LRBA: variants seen among roughly 807,000 people sequenced by gnomAD.
LRBA encodes LPS responsive beige-like anchor protein.
Under a neutral mutation model 330.0 loss-of-function variants are expected in LRBA, and 176 were observed. That is an observed-to-expected ratio of 0.53 (90% CI 0.47 to 0.60). LRBA has a LOEUF of 0.60. Ranked by LOEUF, LRBA falls within the 20% of genes least tolerant of loss-of-function variation. The pLI, the probability that LRBA is intolerant of heterozygous loss-of-function variation, is 0.00. For missense variants in LRBA, 3,259 were observed against 3,444.8 expected (o/e 0.95, Z 1.35); for synonymous variants, 1,230 against 1,193.0 (o/e 1.03, Z -0.64).
At chr4:150,838,844 G>A (rs901874300) in intron 28 of LRBA, among the ~76,000 whole-genome samples, 4 of 152,050 alleles carry the variant, frequency 2.6e-5, no homozygotes, top group Admixed American at 6.6e-5. Context: ...AAGGAGTGGC[G>A]TTCCTTTGGA....
At chr4:150,669,251 A>G (rs969270543) in intron 37 of LRBA, among the ~76,000 whole-genome samples, 7 of 152,174 alleles carry the variant, frequency 4.6e-5, no homozygotes, top group African/African-American at 1.4e-4. Context: ...GTTCCTGTAT[A>G]CCCTTCACTC....
chr4:150,812,301 A>G (rs757029794), intron 31 of LRBA, among the ~76,000 whole-genome samples: 3 of 152,210 alleles, frequency 2.0e-5, no homozygotes, highest in Non-Finnish European at 4.4e-5. Context: ...TTATCCTAGC[A>G]CTGATAAACT....
At chr4:150,683,312 G>A (rs1783214214) in intron 37 of LRBA, among the ~76,000 whole-genome samples, 1 of 152,092 alleles carries the variant, frequency 6.6e-6, no homozygotes, top group South Asian at 2.1e-4. Context: ...TGAGGAAACT[G>A]ATCTACAAAG....
chr4:150,902,090 A>T (rs2127140823), intron 13 of LRBA, among the ~76,000 whole-genome samples: 1 of 152,336 alleles, frequency 6.6e-6, no homozygotes, highest in East Asian at 1.9e-4. Flanking sequence ...ACATGAAAAA[A>T]GTCATGAAGC....
chr4:150,559,708 TA>T (rs1188293945), intron 40 of LRBA, among the ~76,000 whole-genome samples: 2 of 89,878 alleles, frequency 2.2e-5, no homozygotes, highest in African/African-American at 4.8e-5. Flanking sequence ...ATATATTATA[TA>T]ATATTATAGA....
intron 37 of LRBA, among the ~76,000 whole-genome samples, chr4:150,646,522 A>G (rs1779153795): frequency 6.6e-6 from 1 of 152,096 alleles, no homozygotes; most frequent in Admixed American, 6.6e-5. Flanking sequence ...ATCACAAGGG[A>G]TACTTGGTAA....
At chr4:150,359,374 A>T (rs1258552198) in intron 47 of LRBA, among the ~76,000 whole-genome samples, 1 of 152,190 alleles carries the variant, frequency 6.6e-6, no homozygotes, top group Non-Finnish European at 1.5e-5. Flanking sequence ...AGTCTAAGTG[A>T]GAGGTAGTGA....
intron 38 of LRBA, among the ~76,000 whole-genome samples, chr4:150,595,911 C>T (rs1039614752): frequency 6.6e-6 from 1 of 151,816 alleles, no homozygotes; most frequent in African/African-American, 2.4e-5. Flanking sequence ...ATCATTGCTA[C>T]CAATTTCTAA....
intron 9 of LRBA, 102 bp downstream of exon 9, chr4:150,914,093 C>CTTTTT: frequency 1.4e-6 from 1 of 720,492 alleles, no homozygotes; most frequent in Non-Finnish European, 2.1e-6. Flanking sequence ...TCTCATTTTT[C>CTTTTT]TTTTTTTTTT....
chr4:151,007,032 A>G (rs1349265742), intron 2 of LRBA, among the ~76,000 whole-genome samples: 1 of 152,248 alleles, frequency 6.6e-6, no homozygotes, highest in Non-Finnish European at 1.5e-5. Flanking sequence ...GGTCTTCCCT[A>G]TTTTAAAACT....
intron 40 of LRBA, among the ~76,000 whole-genome samples, chr4:150,531,892 CCAGCTACTGT>C (rs1257563325): frequency 6.6e-6 from 1 of 152,088 alleles, no homozygotes; most frequent in Non-Finnish European, 1.5e-5. Flanking sequence ...GTAAGAAATC[CCAGCTACTGT>C]GCTAGACCTC....
intron 46 of LRBA, among the ~76,000 whole-genome samples, chr4:150,434,659 C>T (rs1276459748): frequency 6.6e-6 from 1 of 151,952 alleles, no homozygotes; most frequent in Non-Finnish European, 1.5e-5. Context: ...CAAGACCAGC[C>T]TGGGCAACAT....
intron 16 of LRBA, among the ~76,000 whole-genome samples, chr4:150,893,532 TAG>T (rs1189957123): frequency 6.6e-6 from 1 of 151,964 alleles, no homozygotes; most frequent in African/African-American, 2.4e-5. Flanking sequence ...GTATTTTTGG[TAG>T]AGACAAGGTT....
At chr4:150,889,466 T>C (rs1729259548) in intron 17 of LRBA, among the ~76,000 whole-genome samples, 2 of 152,082 alleles carry the variant, frequency 1.3e-5, no homozygotes, top group South Asian at 2.1e-4. Flanking sequence ...CAAAAATTAG[T>C]TGGGAACCAG....
chr4:150,427,166 T>C (rs1043236466), intron 46 of LRBA, among the ~76,000 whole-genome samples: 1 of 151,872 alleles, frequency 6.6e-6, no homozygotes, highest in Non-Finnish European at 1.5e-5. Context: ...CATTTTCTAG[T>C]TGAACAAAAA....
At chr4:150,500,386 G>A (rs1436018451) in intron 40 of LRBA, among the ~76,000 whole-genome samples, 1 of 152,010 alleles carries the variant, frequency 6.6e-6, no homozygotes, top group Non-Finnish European at 1.5e-5. Flanking sequence ...GACCAGCCTG[G>A]CCAACATGGT....
intron 26 of LRBA, among the ~76,000 whole-genome samples, chr4:150,846,222 T>G (rs935647718): frequency 1.1e-4 from 16 of 151,406 alleles, no homozygotes; most frequent in African/African-American, 3.4e-4. Context: ...GGAAGTAGAG[T>G]GCGTAATGAT....
intron 40 of LRBA, chr4:150,580,179 C>T (rs1771106613): frequency 6.3e-6 from 1 of 159,078 alleles, no homozygotes; most frequent in Non-Finnish European, 1.4e-5. Flanking sequence ...GCCCAAGTCT[C>T]TGCCACTCCA....
chr4:150,446,042 T>C (rs7664323), intron 44 of LRBA, among the ~76,000 whole-genome samples: 12,508 of 152,032 alleles, frequency 0.082, 898 homozygotes, highest in African/African-American at 0.19. Context: ...GGCATTATGT[T>C]AAGGGAAATA....
Sources: allele counts gnomAD v4.1 joint callset (sites outside exome capture counted in the v4.1 genomes callset), GRCh38; gene constraint gnomAD v4.1.1; transcripts MANE v1.5; gene names NCBI Gene and HGNC (gene_info 2026-07-23, HGNC 2026-07-21).